Variants in CSMD1 observed in about 807,000 individuals in gnomAD.
CSMD1 encodes the protein CUB and sushi domain-containing protein 1.
In CSMD1, 213 loss-of-function variants were observed where a neutral mutation model predicts 417.5. The ratio of observed to expected loss-of-function variants is 0.51; its 90% confidence interval spans 0.46 to 0.57. The LOEUF is 0.57. Ranked by LOEUF, CSMD1 falls within the 20% of genes least tolerant of loss-of-function variation. The probability of loss-of-function intolerance (pLI) is 0.00; values close to 1 mark genes in which losing one functional copy is unlikely to be tolerated. For missense variants in CSMD1, 6,923 were observed against 4,529.7 expected (o/e 1.53, Z -15.17); for synonymous variants, 2,862 against 1,736.8 (o/e 1.65, Z -16.11).
At chr8:3,672,577 C>T (rs551752789) in intron 7 of CSMD1, among the ~76,000 whole-genome samples, 1 of 152,162 alleles carries the variant, frequency 6.6e-6, no homozygotes, top group Non-Finnish European at 1.5e-5. Flanking sequence ...CTCATGGATT[C>T]CCAATAATGT....
At chr8:4,170,001 C>T (rs755943756) in intron 3 of CSMD1, among the ~76,000 whole-genome samples, 6 of 151,598 alleles carry the variant, frequency 4.0e-5, no homozygotes, top group Non-Finnish European at 5.9e-5. Context: ...GTGTTAGAGC[C>T]TAAGAGATCG....
intron 1 of CSMD1, among the ~76,000 whole-genome samples, chr8:4,947,809 C>T (rs145750055): frequency 6.6e-6 from 1 of 152,184 alleles, no homozygotes; most frequent in Non-Finnish European, 1.5e-5. Context: ...TTCTAAAACT[C>T]ATCAAGTTTT....
intron 3 of CSMD1, among the ~76,000 whole-genome samples, chr8:4,213,165 A>C (rs1800425608): frequency 6.6e-6 from 1 of 152,138 alleles, no homozygotes. Flanking sequence ...ATATAAACCA[A>C]ATGGGGAGAG....
intron 1 of CSMD1, among the ~76,000 whole-genome samples, chr8:4,925,590 A>G (rs1316662675): frequency 6.8e-6 from 1 of 147,754 alleles, no homozygotes; most frequent in African/African-American, 2.5e-5. Flanking sequence ...TCTGTCTCCC[A>G]GGCTGGAGTG....
intron 11 of CSMD1, among the ~76,000 whole-genome samples, chr8:3,491,603 C>T (rs180714656): frequency 1.9e-4 from 29 of 152,210 alleles, no homozygotes; most frequent in Non-Finnish European, 3.7e-4. Flanking sequence ...CAAGATTCGA[C>T]GAATGAAGGA....
At chr8:3,080,819 G>A (rs934814623) in intron 49 of CSMD1, among the ~76,000 whole-genome samples, 1 of 152,178 alleles carries the variant, frequency 6.6e-6, no homozygotes, top group African/African-American at 2.4e-5. Flanking sequence ...AGGGAGATCA[G>A]GGCTCCCTGG....
Position 4,595,436 on chromosome 8 carries a change from A to G in CSMD1, c.302+41906T>C, listed in dbSNP as rs140864991. Among the ~76,000 whole-genome samples the G allele has an allele frequency of 3.0e-3, 394 of 132,166 alleles. 4 individuals are homozygous for G. The highest frequency in any genetic ancestry group is 9.8e-3 in the African/African-American group (382 of 38,798). 86.7% of individuals were successfully genotyped at this position (132,166 alleles called of 152,430 possible). ...ATACATTGTCAATATGCTAACAACA[A>G]TGGAAAGGCCTGGTAAGACTGTTCT... On this transcript the variant is annotated intron_variant, in intron 2 of 69. Coordinates refer to ENST00000635120, the MANE Select transcript of CSMD1 (RefSeq NM_033225.6).
intron 11 of CSMD1, among the ~76,000 whole-genome samples, chr8:3,481,284 G>C (rs1402432083): frequency 6.6e-6 from 1 of 150,606 alleles, no homozygotes; most frequent in Non-Finnish European, 1.5e-5. Context: ...GTTTTCAAAA[G>C]AGAAAAAACA....
At chr8:3,144,016 T>C (rs1053724884) in intron 40 of CSMD1, among the ~76,000 whole-genome samples, 17 of 152,226 alleles carry the variant, frequency 1.1e-4, no homozygotes, top group African/African-American at 3.9e-4. Flanking sequence ...TCATTAATTA[T>C]GGAGAAACTT....
intron 1 of CSMD1, among the ~76,000 whole-genome samples, chr8:4,729,508 T>C (rs532163581): frequency 6.6e-6 from 1 of 152,280 alleles, no homozygotes; most frequent in East Asian, 1.9e-4. Flanking sequence ...TTCTTTAAGG[T>C]GAATGAAATA....
chr8:3,190,058 C>T lies in CSMD1; in HGVS notation c.5252G>A (p.Arg1751Lys), dbSNP rs1452185758. ...CSSVPEPRYG[R>K]RIGSEFSAGS... is the part of the protein sequence containing the mutation. The stretch of plus-strand genomic sequence containing the variant: ...GGCAGAAAACTCAGAACCAATTCTC[C>T]TTCCGTATCTGGGCTCGGGGACAGA... Residue 1751 changes from arginine to lysine, a missense_variant, in exon 34 of 70, where the codon AGG (arginine) becomes AAG (lysine). Arg to Lys is a conservative substitution (Grantham distance 26). Coordinates refer to ENST00000635120, the MANE Select transcript of CSMD1 (RefSeq NM_033225.6). 1.3e-6 allele frequency: 2 copies of T among 1,595,654 alleles called. No individual in the cohort carries two copies. Among genetic ancestry groups the T allele is most frequent in the Middle Eastern group, 1.7e-4 (1 of 6,046 alleles).
At chr8:3,533,630 T>G (rs1171425996) in intron 10 of CSMD1, among the ~76,000 whole-genome samples, 1 of 152,188 alleles carries the variant, frequency 6.6e-6, no homozygotes, top group Non-Finnish European at 1.5e-5. Context: ...CATCTGCATC[T>G]GGAATCTCCC....
In CSMD1 at chr8:3,423,874, C is replaced by T. The variant is rs542537369; in HGVS notation, c.1562-14269G>A. 3.2e-4 allele frequency among the ~76,000 whole-genome samples: 48 copies of T among 152,280 alleles called. 1 individual carries two copies. In the South Asian group the frequency reaches 4.8e-3, roughly 15 times the overall value. On this transcript the variant is annotated intron_variant, in intron 12 of 69. Transcript: ENST00000635120. ...AGTCACCTCCACCAGTCCTACGGCA[C>T]GAGCTGCTTGTGTTTAGACAAATTA...
At chr8:4,598,812 T>C (rs1369404758) in intron 2 of CSMD1, among the ~76,000 whole-genome samples, 2 of 152,092 alleles carry the variant, frequency 1.3e-5, no homozygotes, top group African/African-American at 4.8e-5. Context: ...GAGTATTAAA[T>C]AGAACAAATT....
intron 3 of CSMD1, among the ~76,000 whole-genome samples, chr8:4,383,283 G>C (rs1037154699): frequency 1.3e-5 from 2 of 152,134 alleles, no homozygotes; most frequent in Non-Finnish European, 2.9e-5. Flanking sequence ...CCTTTCCAAG[G>C]GCAAGATAAG....
intron 4 of CSMD1, among the ~76,000 whole-genome samples, chr8:4,000,771 T>C (rs929316816): frequency 3.9e-5 from 6 of 152,030 alleles, no homozygotes; most frequent in Admixed American, 3.9e-4. Flanking sequence ...GATTTTATTC[T>C]TTTCTCTGAA....
intron 5 of CSMD1, among the ~76,000 whole-genome samples, chr8:3,829,584 T>G (rs1771565093): frequency 6.6e-6 from 1 of 152,112 alleles, no homozygotes; most frequent in Non-Finnish European, 1.5e-5. Context: ...CTCCAGTACT[T>G]AGAATAATGA....
chr8:3,091,587 C>T lies in CSMD1; in HGVS notation c.7214G>A (p.Ser2405Asn). Reference protein sequence around the residue: ...HTEQSNFTSRSNQLYLRWSTD... With the variant: ...HTEQSNFTSRNNQLYLRWSTD... ...GGACCAGCGGAGATATAACTGATTA[C>T]TCCTGCTTGTAAAATTTGATTGTTC... The change falls in exon 48 of 70, where the codon AGT becomes AAT. Residue 2405 changes from serine to asparagine, a missense_variant. Transcript: ENST00000635120. 6.2e-7 allele frequency: 1 copy of T among 1,611,448 alleles called. No homozygotes were observed. Among genetic ancestry groups the T allele is most frequent in the South Asian group, 1.1e-5 (1 of 90,628 alleles).
Position 3,606,260 on chromosome 8 carries a change from G to C in CSMD1, c.1097+10450C>G, listed in dbSNP as rs76593270. 1.0e-3 allele frequency among the ~76,000 whole-genome samples: 158 copies of C among 152,208 alleles called. 1 individual carries two copies. Among genetic ancestry groups the C allele is most frequent in the African/African-American group, 3.7e-3 (153 of 41,526 alleles). On this transcript the variant is annotated intron_variant, in intron 8 of 69. Transcript: ENST00000635120. ...TGAGAAATGCATTGTTAGGCAATTTGGTGGTTGTGCGAACATCACAGAGGG... is the reference window on the plus strand; with the variant it reads ...TGAGAAATGCATTGTTAGGCAATTTCGTGGTTGTGCGAACATCACAGAGGG...
Sources: allele counts gnomAD v4.1 joint callset (sites outside exome capture counted in the v4.1 genomes callset), GRCh38; gene constraint gnomAD v4.1.1; transcripts MANE v1.5; gene names NCBI Gene and HGNC (gene_info 2026-07-23, HGNC 2026-07-21).